The following SAMD9L variants were observed in gnomAD, a reference collection of about 807,000 sequenced individuals.
SAMD9L encodes the protein sterile alpha motif domain containing 9 like.
SAMD9L carries 68 observed loss-of-function variants against 90.7 expected under a neutral mutation model. The observed-to-expected ratio is 0.75, with a 90% CI of 0.62 to 0.92. SAMD9L has a LOEUF of 0.92. Among genes scored for constraint, SAMD9L ranks in the 40% least tolerant of loss-of-function variants. SAMD9L has a pLI of 0.00. For missense variants in SAMD9L, 1,604 were observed against 1,824.3 expected (o/e 0.88, Z 2.20); for synonymous variants, 640 against 630.1 (o/e 1.02, Z -0.23).
chr7:93,134,686 A>G lies in SAMD9L; in HGVS notation c.1286T>C (p.Ile429Thr), dbSNP rs768887902. The G allele has an allele frequency of 6.2e-7, 1 of 1,613,728 alleles. No homozygotes were observed. Among genetic ancestry groups the G allele is most frequent in the Non-Finnish European group, 8.5e-7 (1 of 1,179,850 alleles). ...LVTNKCHPNQ[I>T]KHLDFLKEIK... ...TTCTTTTAAAAAATCTAAGTGCTTT[A>G]TTTGGTTTGGATGGCATTTATTTGT... is the stretch of plus-strand genomic sequence containing the variant. Residue 429 changes from isoleucine (I) to threonine (T), a missense_variant, in exon 5 of 5, where the codon ATA (isoleucine) becomes ACA (threonine). By Grantham distance (89) the Ile-to-Thr change is moderately conservative. Transcript: ENST00000318238.
chr7:93,146,411 T>C (rs972473328), intron 2 of SAMD9L, among the ~76,000 whole-genome samples: 1 of 152,362 alleles, frequency 6.6e-6, no homozygotes, highest in Admixed American at 6.5e-5. Flanking sequence ...TCATTTTTTA[T>C]CTACTTAGGA....
intron 4 of SAMD9L, among the ~76,000 whole-genome samples, chr7:93,141,195 G>A (rs577809950): frequency 6.6e-6 from 1 of 152,208 alleles, no homozygotes; most frequent in African/African-American, 2.4e-5. Context: ...TCCTTTTCTG[G>A]CTAGTCCTTC....
At position 93,130,292 on chromosome 7, in the gene SAMD9L, A is replaced by C. The variant is rs1792031000; in HGVS notation, c.*925T>G. Reference sequence around the variant, plus strand: ...AATCAGGCAGGAATGATGGTGGTCAAGGAAGACTTCCTGGTGAAGGTGACT... The same window carrying C: ...AATCAGGCAGGAATGATGGTGGTCACGGAAGACTTCCTGGTGAAGGTGACT... On this transcript the variant is annotated 3_prime_UTR_variant, in exon 5 of 5. Transcript: ENST00000318238. The C allele has an allele frequency of 6.6e-6, 1 of 152,184 alleles. No individual in the cohort carries two copies. 9.4% of individuals were successfully genotyped at this position (152,184 alleles called of 1,614,324 possible).
intron 2 of SAMD9L, among the ~76,000 whole-genome samples, chr7:93,146,536 G>T (rs1235157961): frequency 6.6e-6 from 1 of 152,178 alleles, no homozygotes; most frequent in Non-Finnish European, 1.5e-5. Context: ...ATCTGGCATT[G>T]CCTAGCACAT....
chr7:93,137,810 C>T (rs1271250451), intron 4 of SAMD9L, among the ~76,000 whole-genome samples: 1 of 145,150 alleles, frequency 6.9e-6, no homozygotes, highest in Non-Finnish European at 1.5e-5. Flanking sequence ...TTTGAACCAT[C>T]TGTGCTTGGA....
At position 93,135,831 on chromosome 7, in the gene SAMD9L, C is replaced by T. The variant is rs1377057353; in HGVS notation, c.141G>A (p.Leu47=). ...LLSEEVTGLV[L]QELTEKDLVE... Reference sequence around the variant, plus strand: ...CAAGGTCCTTCTCAGTTAATTCCTGCAGGACTAATCCTGTTACTTCTTCAC... The same window carrying T: ...CAAGGTCCTTCTCAGTTAATTCCTGTAGGACTAATCCTGTTACTTCTTCAC... Residue 47 remains leucine, a synonymous_variant, in exon 5 of 5, where the codon CTG becomes CTA. Transcript: ENST00000318238. 1 of 1,614,046 alleles carries T rather than the reference C, an allele frequency of 6.2e-7. No individual in the cohort carries two copies. Among genetic ancestry groups the T allele is most frequent in the East Asian group, 2.2e-5 (1 of 44,870 alleles).
chr7:93,131,342 T>G lies in SAMD9L; in HGVS notation c.4630A>C (p.Ile1544Leu). Residue 1544 changes from isoleucine to leucine, a missense_variant, in exon 5 of 5, where the codon ATA becomes CTA. By Grantham distance (5) the Ile-to-Leu change is conservative (BLOSUM62 2). Transcript: ENST00000318238. Reference protein sequence around the residue: ...ISVEYGTEEKIKIPVISVYSG... With the variant: ...ISVEYGTEEKLKIPVISVYSG... ...TAAACAGATATTACTGGTATTTTTA[T>G]TTTTTCCTCTGTTCCATATTCTACA... The G allele has an allele frequency of 6.2e-7, 1 of 1,613,644 alleles. No homozygotes were observed. The highest frequency in any genetic ancestry group is 1.1e-5 in the South Asian group (1 of 91,064).
In SAMD9L at chr7:93,131,857, G is replaced by A. The variant is rs1286770173; in HGVS notation, c.4115C>T (p.Ser1372Leu). 1 of 1,611,842 alleles carries A rather than the reference G, an allele frequency of 6.2e-7. No homozygotes were observed. Among genetic ancestry groups the A allele is most frequent in the South Asian group, 1.1e-5 (1 of 91,046 alleles). Residue 1372 changes from serine (S) to leucine (L), a missense_variant, in exon 5 of 5, where the codon TCA becomes TTA. Around this residue, in one of 7 missense-constraint regions of SAMD9L, gnomAD observed 282 missense variants for 329.6 expected, o/e 0.86. Transcript: ENST00000318238. Reference protein sequence around the residue: ...NEYAFLLQQNSKKPMTNEKQN... With the variant: ...NEYAFLLQQNLKKPMTNEKQN... ...TTTCTCATTTGTCATGGGCTTTTTT[G>A]AGTTTTGCTGCAGTAGGAAGGCATA...
chr7:93,144,363 G>A (rs1179269921), intron 4 of SAMD9L, among the ~76,000 whole-genome samples: 3 of 152,148 alleles, frequency 2.0e-5, no homozygotes, highest in Non-Finnish European at 4.4e-5. Context: ...TACTGAAAAT[G>A]TAAAGACTTG....
At chr7:93,139,689 G>T (rs1371429300) in intron 4 of SAMD9L, among the ~76,000 whole-genome samples, 1 of 152,098 alleles carries the variant, frequency 6.6e-6, no homozygotes. Context: ...CATTTCTGTT[G>T]TTGAAGTGAC....
In SAMD9L at chr7:93,133,841, T is replaced by A; in HGVS notation, c.2131A>T (p.Lys711Ter). The A allele has an allele frequency of 6.2e-7, 1 of 1,613,440 alleles. No individual in the cohort carries two copies. Among genetic ancestry groups the A allele is most frequent in the Non-Finnish European group, 8.5e-7 (1 of 1,179,768 alleles). Reference sequence around the variant, plus strand: ...TTAAGCTTTTCATAACTGTCCCTTTTAACAAAATCTGAAGAATAGTTTTCA... The same window carrying A: ...TTAAGCTTTTCATAACTGTCCCTTTAAACAAAATCTGAAGAATAGTTTTCA... ...SSENYSSDFV[K>*]RDSYEKLKDL... The change falls in exon 5 of 5, where the codon AAA becomes TAA. Residue 711 changes from lysine (K) to a stop codon, truncating the protein, a stop_gained. Transcript: ENST00000318238. LOFTEE classifies it high-confidence loss of function.
Position 93,132,293 on chromosome 7 carries a change from GT to G in SAMD9L, c.3678del (p.Lys1226AsnfsTer32). On this transcript the variant is annotated frameshift_variant, in exon 5 of 5. Coordinates refer to ENST00000318238, the MANE Select transcript of SAMD9L (RefSeq NM_152703.5). LOFTEE classifies it high-confidence loss of function. ...FFHKENELSK[K>X]HMVQFLSGKW... ...TTTCCTGATAAAAATTGCACCATAT[GT>G]TTTTTGGATAATTCATTTTCTTTGT... is the stretch of plus-strand genomic sequence containing the variant. 2 of 1,613,738 alleles carry G rather than the reference GT, an allele frequency of 1.2e-6. No individual in the cohort carries two copies. The highest frequency in any genetic ancestry group is 1.7e-6 in the Non-Finnish European group (2 of 1,179,818).
chr7:93,131,760 G>T lies in SAMD9L; in HGVS notation c.4212C>A (p.Thr1404=). The change falls in exon 5 of 5, where the codon ACC becomes ACA. Residue 1404 remains threonine, a synonymous_variant. Transcript: ENST00000318238. ...CCTCTCGGAGTTGTTTTTTTAGCGT[G>T]GTAAGTGGTTGAATTAACTTGGAGT... ...KPNSKLIQPL[T]TLKKQLREVL... is the part of the protein sequence containing the mutation. 1.9e-6 allele frequency: 3 copies of T among 1,613,636 alleles called. No individual in the cohort carries two copies. Among genetic ancestry groups the T allele is most frequent in the Non-Finnish European group, 2.5e-6 (3 of 1,179,790 alleles).
intron 4 of SAMD9L, among the ~76,000 whole-genome samples, chr7:93,139,032 G>GA (rs1487810830): frequency 2.0e-5 from 3 of 151,962 alleles, no homozygotes; most frequent in South Asian, 2.1e-4. Context: ...AAAATTTGCT[G>GA]AATACTTACT....
rs1342960658 is a variant in SAMD9L, at chr7:93,134,322, G to A, written c.1650C>T (p.Leu550=). ...GATCTCCTGGGCTTTCCACTGAAGAGAGTAATAGAAACACTACCAAAAATT... is the reference window on the plus strand; with the variant it reads ...GATCTCCTGGGCTTTCCACTGAAGAAAGTAATAGAAACACTACCAAAAATT... The part of the protein sequence containing the change: ...RGKFLVVFLL[L]SSVESPGDPL... The change falls in exon 5 of 5, where the codon CTC becomes CTT. Residue 550 remains leucine, a synonymous_variant. Coordinates refer to ENST00000318238, the MANE Select transcript of SAMD9L (RefSeq NM_152703.5). 1 of 1,611,264 alleles carries A rather than the reference G, an allele frequency of 6.2e-7. No individual in the cohort carries two copies. The highest frequency in any genetic ancestry group is 2.2e-5 in the East Asian group (1 of 44,854).
In SAMD9L at chr7:93,132,546, C is replaced by G; in HGVS notation, c.3426G>C (p.Arg1142Ser). The G allele has an allele frequency of 1.9e-6, 3 of 1,613,826 alleles. No homozygotes were observed. Among genetic ancestry groups the G allele is most frequent in the East Asian group, 4.5e-5 (2 of 44,864 alleles). ...GTGTTAGGTCATTAACAGTAATGCT[C>G]CTACAGTTTTTGTTCCCATCCAACC... ...KWWLDGNKNC[R>S]SITVNDLTHL... Residue 1142 changes from arginine (R) to serine (S), a missense_variant, in exon 5 of 5, where the codon AGG becomes AGC. Transcript: ENST00000318238.
chr7:93,136,466 T>C (rs895888547), intron 4 of SAMD9L, among the ~76,000 whole-genome samples: 1 of 152,202 alleles, frequency 6.6e-6, no homozygotes, highest in Non-Finnish European at 1.5e-5. Context: ...TTAAATAATC[T>C]GTTTTCTTTT....
At chr7:93,140,614 C>T (rs559365172) in intron 4 of SAMD9L, among the ~76,000 whole-genome samples, 17 of 152,322 alleles carry the variant, frequency 1.1e-4, no homozygotes, top group Admixed American at 2.0e-4. Context: ...CCATTTAAAC[C>T]GGCAGAATTG....
rs140764553 is a variant in SAMD9L, at chr7:93,134,891, C to A, written c.1081G>T (p.Val361Leu). The A allele has an allele frequency of 6.2e-7, 1 of 1,614,020 alleles. No homozygotes were observed. Among genetic ancestry groups the A allele is most frequent in the Admixed American group, 1.7e-5 (1 of 60,012 alleles). ...TTTTGTAAAAATGCCTTGAAATCTA[C>A]ATCCCGTTGCTTGGAATTGGCCAGG... ...DILANSKQRDVDFKAFLQNLK... is the reference protein window; with the variant it reads ...DILANSKQRDLDFKAFLQNLK... The change falls in exon 5 of 5, where the codon GTA (valine) becomes TTA (leucine). Residue 361 changes from valine (V) to leucine (L), a missense_variant. By Grantham distance (32) the Val-to-Leu change is conservative. Around this residue, in one of 7 missense-constraint regions of SAMD9L, gnomAD observed 606 missense variants for 717.6 expected, o/e 0.84. Coordinates refer to ENST00000318238, the MANE Select transcript of SAMD9L (RefSeq NM_152703.5).
Sources: gnomAD v4.1 joint callset for allele counts (sites outside exome capture counted in the v4.1 genomes callset) on GRCh38, gnomAD v4.1.1 for gene constraint, gnomAD v4.1.1 regional missense constraint, MANE v1.5 for transcripts, NCBI Gene and HGNC (gene_info 2026-07-23, HGNC 2026-07-21) for gene names.